Variants in KCNQ3 observed in about 807,000 individuals in gnomAD.
The protein encoded by KCNQ3 is potassium voltage-gated channel subfamily Q member 3.
A neutral mutation model predicts 92.5 loss-of-function variants in KCNQ3; 30 were observed. The ratio of observed to expected loss-of-function variants is 0.32; its 90% CI spans 0.24 to 0.44. KCNQ3 has a LOEUF of 0.44. Among genes scored for constraint, KCNQ3 ranks in the 20% least tolerant of loss-of-function variants. The pLI is 1.00. For synonymous variants in KCNQ3, 450 were observed against 468.8 expected, an observed-to-expected ratio of 0.96 and a Z score of 0.52; for missense variants, 913 against 1,140.3, an observed-to-expected ratio of 0.80 and a Z score of 2.87.
intron 9 of KCNQ3, among the ~76,000 whole-genome samples, chr8:132,163,178 G>A (rs1278867816): frequency 6.6e-6 from 1 of 152,056 alleles, no homozygotes; most frequent in African/African-American, 2.4e-5. Flanking sequence ...ATGATATTAG[G>A]GCCTATCTTA....
At chr8:132,234,522 G>A (rs954393151) in intron 1 of KCNQ3, among the ~76,000 whole-genome samples, 1 of 151,848 alleles carries the variant, frequency 6.6e-6, no homozygotes, top group Admixed American at 6.6e-5. Context: ...GAGGAAAGAA[G>A]ATTCAACCTG....
At chr8:132,268,125 C>T (rs1224329790) in intron 1 of KCNQ3, among the ~76,000 whole-genome samples, 1 of 152,178 alleles carries the variant, frequency 6.6e-6, no homozygotes, top group East Asian at 1.9e-4. Flanking sequence ...GCTACTGATG[C>T]TCTTTTTAGT....
At chr8:132,311,257 C>T (rs923754284) in intron 1 of KCNQ3, among the ~76,000 whole-genome samples, 7 of 152,162 alleles carry the variant, frequency 4.6e-5, no homozygotes, top group Non-Finnish European at 7.3e-5. Context: ...TATTGAACAG[C>T]TACAATAGGT....
At chr8:132,477,122 C>T (rs1822431291) in intron 1 of KCNQ3, among the ~76,000 whole-genome samples, 1 of 152,118 alleles carries the variant, frequency 6.6e-6, no homozygotes, top group Non-Finnish European at 1.5e-5. Flanking sequence ...CTGAGACCAC[C>T]CCTTCCCACC....
chr8:132,304,188 C>T (rs923195163), intron 1 of KCNQ3, among the ~76,000 whole-genome samples: 7 of 152,204 alleles, frequency 4.6e-5, no homozygotes, highest in Admixed American at 3.3e-4. Context: ...GAGAAATCAC[C>T]TATTGGGTAC....
At chr8:132,335,767 G>C (rs930404656) in intron 1 of KCNQ3, among the ~76,000 whole-genome samples, 1 of 152,214 alleles carries the variant, frequency 6.6e-6, no homozygotes, top group African/African-American at 2.4e-5. Flanking sequence ...TATGCTGTCG[G>C]GGGAAGGGGT....
chr8:132,294,041 C>T lies in KCNQ3; in HGVS notation c.387-107860G>A, dbSNP rs368535943. 3.9e-4 allele frequency among the ~76,000 whole-genome samples: 50 copies of T among 126,840 alleles called. No individual in the cohort carries two copies. The East Asian group carries it at 0.013, about 33-fold the overall frequency. The allele number at this position is 126,840 out of a possible 152,430, so 83.2% of individuals were successfully genotyped here. On this transcript the variant is annotated intron_variant, in intron 1 of 14. Transcript: ENST00000388996. ...TTTGAGACGGAGTCTCGCTTTGTCA[C>T]CCAGGCTGGAGTGCAGTGGCGTGAT...
intron 1 of KCNQ3, among the ~76,000 whole-genome samples, chr8:132,417,792 C>T (rs190731741): frequency 1.2e-4 from 18 of 152,282 alleles, no homozygotes; most frequent in African/African-American, 2.4e-4. Flanking sequence ...GGAGTGCTCC[C>T]GGAATATATG....
chr8:132,290,734 G>A (rs1816813867), intron 1 of KCNQ3, among the ~76,000 whole-genome samples: 3 of 152,254 alleles, frequency 2.0e-5, no homozygotes, highest in South Asian at 4.1e-4. Context: ...GAAAACACCG[G>A]AACAGGATGA....
chr8:132,172,629 T>C lies in KCNQ3; in HGVS notation c.1109A>G (p.Lys370Arg), dbSNP rs1221008829. ...GAGCTCAGCAGCTGGCTTCCTCCTT[T>C]TCTCAAAGTGCTTCTGACGGTGTTG... Reference protein sequence around the residue: ...QEQHRQKHFEKRRKPAAELIQ... With the variant: ...QEQHRQKHFERRRKPAAELIQ... The change falls in exon 7 of 15, where the codon AAA (lysine) becomes AGA (arginine). Residue 370 changes from lysine (K) to arginine (R), a missense_variant. Physicochemically the swap from Lys to Arg is conservative, Grantham distance 26 (BLOSUM62 2). Transcript: ENST00000388996. 3.7e-6 allele frequency: 6 copies of C among 1,614,136 alleles called. No homozygotes were observed. The highest frequency in any genetic ancestry group is 5.1e-6 in the Non-Finnish European group (6 of 1,180,028).
chr8:132,439,718 C>T (rs918894744), intron 1 of KCNQ3, among the ~76,000 whole-genome samples: 2 of 152,060 alleles, frequency 1.3e-5, no homozygotes, highest in African/African-American at 4.8e-5. Flanking sequence ...ATGCAGGTAG[C>T]CTCAAAAGCT....
At chr8:132,347,849 C>T (rs984068649) in intron 1 of KCNQ3, among the ~76,000 whole-genome samples, 3 of 151,696 alleles carry the variant, frequency 2.0e-5, no homozygotes, top group African/African-American at 4.8e-5. Context: ...TGGTGGTGGG[C>T]GCCTGTAGTC....
At chr8:132,296,838 C>T (rs10956652) in intron 1 of KCNQ3, among the ~76,000 whole-genome samples, 64,641 of 151,036 alleles carry the variant, frequency 0.43, 15,997 homozygotes, top group East Asian at 0.69. Context: ...TGAATAGTGC[C>T]GCAATAAACA....
intron 9 of KCNQ3, among the ~76,000 whole-genome samples, chr8:132,159,830 C>A (rs1486653010): frequency 6.6e-6 from 1 of 152,094 alleles, no homozygotes; most frequent in Non-Finnish European, 1.5e-5. Flanking sequence ...GTCCATCCAT[C>A]CATCTATCCA....
intron 1 of KCNQ3, among the ~76,000 whole-genome samples, chr8:132,358,331 G>A (rs888939757): frequency 1.3e-5 from 2 of 152,178 alleles, no homozygotes; most frequent in Admixed American, 6.5e-5. Context: ...GGCCTAATGG[G>A]TTTGAGAGAT....
chr8:132,288,220 C>A (rs955347068), intron 1 of KCNQ3, among the ~76,000 whole-genome samples: 3 of 152,152 alleles, frequency 2.0e-5, no homozygotes, highest in Non-Finnish European at 4.4e-5. Context: ...ATACATATTG[C>A]AAAGTTATTC....
chr8:132,230,254 C>A (rs1814588889), intron 1 of KCNQ3, among the ~76,000 whole-genome samples: 1 of 152,140 alleles, frequency 6.6e-6, no homozygotes, highest in African/African-American at 2.4e-5. Context: ...CATTTGCAAA[C>A]TGACAGTCAC....
At chr8:132,210,700 A>G (rs1335890301) in intron 1 of KCNQ3, among the ~76,000 whole-genome samples, 1 of 152,158 alleles carries the variant, frequency 6.6e-6, no homozygotes, top group Non-Finnish European at 1.5e-5. Context: ...ATTTCATTTT[A>G]TTTCCTGTGA....
intron 1 of KCNQ3, among the ~76,000 whole-genome samples, chr8:132,192,178 C>T (rs545484221): frequency 2.6e-5 from 4 of 152,320 alleles, no homozygotes; most frequent in African/African-American, 9.6e-5. Flanking sequence ...AGGGAGCCTG[C>T]GGAGCCCATC....
Sources: allele counts gnomAD v4.1 joint callset (sites outside exome capture counted in the v4.1 genomes callset), GRCh38; gene constraint gnomAD v4.1.1; transcripts MANE v1.5; gene names NCBI Gene and HGNC (gene_info 2026-07-23, HGNC 2026-07-21).